Variants in TRERF1 observed in about 807,000 individuals in gnomAD.
TRERF1 encodes transcriptional-regulating factor 1.
In TRERF1, 27 loss-of-function variants were observed where a neutral mutation model predicts 122.9. The observed-to-expected ratio is 0.22, with a 90% CI of 0.16 to 0.30. TRERF1 has a LOEUF of 0.30. Ranked by LOEUF, TRERF1 falls within the 10% of genes least tolerant of loss-of-function variation. The pLI is 1.00. For missense variants in TRERF1, 1,248 were observed against 1,560.3 expected (o/e 0.80, Z 3.37); for synonymous variants, 636 against 641.7 (o/e 0.99, Z 0.13).
Position 42,268,975 on chromosome 6 carries a change from G to T in TRERF1, c.616C>A (p.Gln206Lys). The change falls in exon 5 of 18, where the codon CAG becomes AAG. Residue 206 changes from glutamine (Q) to lysine (K), a missense_variant. Gln to Lys is a moderately conservative substitution (Grantham distance 53). Coordinates refer to ENST00000372922, the Ensembl canonical transcript of TRERF1. This position sits in a 1 kb window ranked among gnomAD's most constrained non-coding sequence, Gnocchi z 4.4. ...CCAGTGAAACCAGGGTGAGGCTGCTGGGGCACCTGCTGGTAGCGGGAAGGG... is the reference window on the plus strand; with the variant it reads ...CCAGTGAAACCAGGGTGAGGCTGCTTGGGCACCTGCTGGTAGCGGGAAGGG... 1 of 1,612,318 alleles carries T rather than the reference G, an allele frequency of 6.2e-7. No homozygotes were observed. Among genetic ancestry groups the T allele is most frequent in the South Asian group, 1.1e-5 (1 of 91,002 alleles).
chr6:42,423,582 T>C (rs1422303821), intron 2 of TRERF1, among the ~76,000 whole-genome samples: 1 of 152,182 alleles, frequency 6.6e-6, no homozygotes, highest in Non-Finnish European at 1.5e-5. Context: ...AGATATCAGA[T>C]GCAGCCACAG....
chr6:42,421,651 G>A (rs568609368), intron 2 of TRERF1, among the ~76,000 whole-genome samples: 1 of 152,230 alleles, frequency 6.6e-6, no homozygotes, highest in African/African-American at 2.4e-5. Flanking sequence ...GTGCACGCCT[G>A]TAGTCCCGGC....
intron 2 of TRERF1, among the ~76,000 whole-genome samples, chr6:42,448,889 AC>A (rs1787993476): frequency 6.6e-6 from 1 of 152,252 alleles, no homozygotes; most frequent in South Asian, 2.1e-4. Flanking sequence ...CAAAAAAATA[AC>A]GCTTTCGGTT....
At chr6:42,427,039 T>C (rs1022422168) in intron 2 of TRERF1, among the ~76,000 whole-genome samples, 4 of 151,762 alleles carry the variant, frequency 2.6e-5, no homozygotes, top group Admixed American at 6.6e-5. Flanking sequence ...TATAATCCTA[T>C]AATCTCAGCC....
At chr6:42,290,062 G>A (rs1290180272) in intron 4 of TRERF1, among the ~76,000 whole-genome samples, 3 of 152,166 alleles carry the variant, frequency 2.0e-5, no homozygotes, top group African/African-American at 7.2e-5. Context: ...GGCCCAGAGA[G>A]GTTTGTGAGG....
chr6:42,389,753 T>C (rs1254348682), intron 2 of TRERF1, among the ~76,000 whole-genome samples: 2 of 152,214 alleles, frequency 1.3e-5, no homozygotes, highest in African/African-American at 4.8e-5. Flanking sequence ...GCACAGCTAT[T>C]ATTGTGAGCT....
intron 3 of TRERF1, among the ~76,000 whole-genome samples, chr6:42,317,559 T>C (rs1274920789): frequency 6.6e-6 from 1 of 152,036 alleles, no homozygotes; most frequent in African/African-American, 2.4e-5. Flanking sequence ...CTCATTTTGT[T>C]GCCCAGGCTG....
intron 13 of TRERF1, among the ~76,000 whole-genome samples, chr6:42,248,764 C>T (rs917110291): frequency 1.3e-5 from 2 of 152,068 alleles, no homozygotes; most frequent in Non-Finnish European, 1.5e-5. Context: ...CCGTGCAGAC[C>T]ACAGTAACAC....
chr6:42,263,464 C>T lies in TRERF1; in HGVS notation c.1740G>A (p.Thr580=), dbSNP rs745440327. 3.4e-5 allele frequency: 55 copies of T among 1,595,974 alleles called. No individual in the cohort carries two copies. The highest frequency in any genetic ancestry group is 2.0e-4 in the South Asian group (18 of 88,886). Residue 580 remains threonine (T), a synonymous_variant, in exon 8 of 18, where the codon ACG becomes ACA. Transcript: ENST00000372922. The surrounding 1 kb of genome is among the most constrained non-coding windows in gnomAD (Gnocchi z 5.6). ...GGACAGACACGGGCATGACCATAGGCGTGAGGCTTTCTGCCTCGGGAGGGA... is the reference window on the plus strand; with the variant it reads ...GGACAGACACGGGCATGACCATAGGTGTGAGGCTTTCTGCCTCGGGAGGGA...
At chr6:42,292,732 G>C (rs932483472) in intron 4 of TRERF1, among the ~76,000 whole-genome samples, 3 of 152,144 alleles carry the variant, frequency 2.0e-5, no homozygotes, top group African/African-American at 7.2e-5. Context: ...CCCCCGAAGA[G>C]GAAATGAGAC....
Position 42,269,612 on chromosome 6 carries a change from C to A in TRERF1, c.-22G>T, listed in dbSNP as rs746596050. The A allele has an allele frequency of 6.2e-7, 1 of 1,603,782 alleles. No homozygotes were observed. Among genetic ancestry groups the A allele is most frequent in the Admixed American group, 1.7e-5 (1 of 59,082 alleles). On this transcript the variant is annotated 5_prime_UTR_variant, in exon 5 of 18. Transcript: ENST00000372922. This position sits in a 1 kb window ranked among gnomAD's most constrained non-coding sequence, Gnocchi z 4.9. The stretch of plus-strand genomic sequence containing the variant: ...CCATGCTGTCTGCCTTGGTTGTGAA[C>A]GTCCAGCCACAAAACCATAAAAAAG...
intron 4 of TRERF1, among the ~76,000 whole-genome samples, chr6:42,290,591 A>C (rs2150138805): frequency 6.6e-6 from 1 of 152,182 alleles, no homozygotes; most frequent in Non-Finnish European, 1.5e-5. Context: ...CTGTCAGCTC[A>C]ACATGTCTAA....
chr6:42,426,423 G>T (rs952536543), intron 2 of TRERF1, among the ~76,000 whole-genome samples: 3 of 152,106 alleles, frequency 2.0e-5, no homozygotes, highest in Non-Finnish European at 4.4e-5. Context: ...ATAGAAATGG[G>T]TGTTCACTAG....
Position 42,275,988 on chromosome 6 carries a change from T to G in TRERF1, c.-258-6140A>C, listed in dbSNP as rs66600533. ...TTTACATAATTTTCACATGCCAAAT[T>G]CTGTTCTTCTTTTGATTTTTCTTCA... On this transcript the variant is annotated intron_variant, in intron 4 of 17. Transcript: ENST00000372922. The surrounding 1 kb of genome is among the most constrained non-coding windows in gnomAD (Gnocchi z 4.1). 0.033 allele frequency among the ~76,000 whole-genome samples: 5,037 copies of G among 152,318 alleles called. 84 individuals carry two copies. Among genetic ancestry groups the G allele is most frequent in the Non-Finnish European group, 0.037 (2,515 of 68,010 alleles).
chr6:42,364,667 G>C (rs1432602515), intron 2 of TRERF1, among the ~76,000 whole-genome samples: 1 of 152,242 alleles, frequency 6.6e-6, no homozygotes, highest in Non-Finnish European at 1.5e-5. Flanking sequence ...TGACCTTAGA[G>C]AGGGCAGCCC....
chr6:42,373,493 C>T (rs531136403), intron 2 of TRERF1, among the ~76,000 whole-genome samples: 1 of 151,962 alleles, frequency 6.6e-6, no homozygotes, highest in Non-Finnish European at 1.5e-5. Context: ...CAGTGAAACC[C>T]CGTCTCTATT....
chr6:42,403,067 G>A (rs948887182), intron 2 of TRERF1, among the ~76,000 whole-genome samples: 12 of 152,148 alleles, frequency 7.9e-5, no homozygotes, highest in Admixed American at 5.9e-4. Context: ...GTATTGGGGT[G>A]CAAAAAAGAA....
At chr6:42,230,779 G>A (rs1006813527) in intron 17 of TRERF1, among the ~76,000 whole-genome samples, 2 of 152,166 alleles carry the variant, frequency 1.3e-5, no homozygotes, top group Admixed American at 6.5e-5. Context: ...GTGCTTCATG[G>A]GGGGAAGTGA....
chr6:42,328,965 C>A (rs1764771541), intron 3 of TRERF1, among the ~76,000 whole-genome samples: 1 of 152,066 alleles, frequency 6.6e-6, no homozygotes, highest in African/African-American at 2.4e-5. Flanking sequence ...AGGAAAGAGG[C>A]GAATCTATAT....
Sources: allele counts gnomAD v4.1 joint callset (sites outside exome capture counted in the v4.1 genomes callset), GRCh38; gene constraint gnomAD v4.1.1; non-coding constraint Gnocchi (gnomAD v3.1); transcripts MANE v1.5; gene names NCBI Gene and HGNC (gene_info 2026-07-23, HGNC 2026-07-21).